UGT2B7: variants seen among roughly 807,000 people sequenced by gnomAD.
The protein encoded by UGT2B7 is UDP-glucuronosyltransferase 2B7.
UGT2B7 carries 51 observed loss-of-function variants against 51.9 expected under a neutral mutation model. The observed-to-expected ratio is 0.98, with a 90% CI of 0.78 to 1.24. The LOEUF (loss-of-function observed/expected upper bound fraction) is 1.24, where lower values mean the gene tolerates loss of function less well. UGT2B7 is among the 50% of genes most tolerant of loss of function. The probability of loss-of-function intolerance (pLI) is 0.00; values close to 1 mark genes in which losing one functional copy is unlikely to be tolerated. For missense variants in UGT2B7, 727 were observed against 628.4 expected, an observed-to-expected ratio of 1.16 and a Z score of -1.68; for synonymous variants, 225 against 211.6, an observed-to-expected ratio of 1.06 and a Z score of -0.55.
intron 1 of UGT2B7, chr4:69,067,302 T>C (rs1169052407): frequency 2.6e-5 from 4 of 152,420 alleles, no homozygotes; most frequent in Non-Finnish European, 5.9e-5. Flanking sequence ...TAATTTGTTA[T>C]CTAGAGAACA....
Position 69,064,104 on chromosome 4 carries a change from A to AGAGAGAG in UGT2B7, c.-159+12502_-159+12503insGAGAGAG, listed in dbSNP as rs1560499781. On this transcript the variant is annotated intron_variant, in intron 1 of 5. Coordinates refer to the UGT2B7 transcript ENST00000502942. Reference sequence around the variant, plus strand: ...AGAAAGAAAGAAAGAAAGAGAAAGAAAGAAAGAAAAAGAAAGAAAGAAAGA... The same window carrying AGAGAGAG: ...AGAAAGAAAGAAAGAAAGAGAAAGAAGAGAGAGAGAAAGAAAAAGAAAGAAAGAAAGA... Among the ~76,000 whole-genome samples the AGAGAGAG allele has an allele frequency of 5.2e-4, 58 of 110,568 alleles. 1 individual carries two copies. The highest frequency in any genetic ancestry group is 7.8e-4 in the Non-Finnish European group (44 of 56,288). The allele number at this position is 110,568 out of a possible 152,430, so 72.5% of individuals were successfully genotyped here. A position where few individuals can be genotyped will look rare whatever the true frequency, so the allele number is the denominator to read the frequency against.
At chr4:69,078,051 T>C (rs1465535761) in intron 1 of UGT2B7, among the ~76,000 whole-genome samples, 3 of 152,016 alleles carry the variant, frequency 2.0e-5, no homozygotes, top group Non-Finnish European at 4.4e-5. Context: ...TTTTTTTTGG[T>C]TTGTTTTTTG....
chr4:69,099,296 C>T (rs1719352813), intron 2 of UGT2B7, among the ~76,000 whole-genome samples: 1 of 148,362 alleles, frequency 6.7e-6, no homozygotes, highest in African/African-American at 2.5e-5. Context: ...GTAAAGTGGT[C>T]AGGACAGTTC....
chr4:69,082,061 G>C (rs1042279381), intron 1 of UGT2B7, among the ~76,000 whole-genome samples: 5 of 151,894 alleles, frequency 3.3e-5, no homozygotes, highest in Non-Finnish European at 5.9e-5. Context: ...TCTGTGATTG[G>C]TGATTTTTCA....
At chr4:69,082,376 C>G (rs1346920580) in intron 1 of UGT2B7, among the ~76,000 whole-genome samples, 1 of 145,658 alleles carries the variant, frequency 6.9e-6, no homozygotes, top group Non-Finnish European at 1.5e-5. Context: ...CCTCTTGCAT[C>G]AAATAGCCAA....
chr4:69,054,146 TA>T (rs1166856567), intron 1 of UGT2B7, among the ~76,000 whole-genome samples: 180 of 142,672 alleles, frequency 1.3e-3, no homozygotes, highest in Non-Finnish European at 1.2e-3. Flanking sequence ...TTTCATGAGT[TA>T]AAAAAAAAAA....
At chr4:69,056,127 G>C (rs1161680053) in intron 1 of UGT2B7, among the ~76,000 whole-genome samples, 1 of 152,028 alleles carries the variant, frequency 6.6e-6, no homozygotes, top group Admixed American at 6.6e-5. Context: ...CATAAAAACA[G>C]GTAAACTTCT....
At chr4:69,089,019 G>A (rs1719026238) in intron 1 of UGT2B7, among the ~76,000 whole-genome samples, 1 of 151,946 alleles carries the variant, frequency 6.6e-6, no homozygotes, top group Non-Finnish European at 1.5e-5. Context: ...ATGAGTCTTG[G>A]GATTTTCTTC....
intron 1 of UGT2B7, among the ~76,000 whole-genome samples, chr4:69,097,580 T>C (rs1719284764): frequency 6.6e-6 from 1 of 152,084 alleles, no homozygotes; most frequent in South Asian, 2.1e-4. Flanking sequence ...TCTTACTGAA[T>C]GCATAGATTT....
upstream of UGT2B7, among the ~76,000 whole-genome samples, chr4:69,092,540 T>G (rs1719106998): frequency 9.4e-6 from 1 of 106,114 alleles, no homozygotes; most frequent in Non-Finnish European, 1.8e-5. Flanking sequence ...TATGTACCTG[T>G]GCACATCGTA....
intron 2 of UGT2B7, among the ~76,000 whole-genome samples, chr4:69,090,424 T>G (rs1432758344): frequency 6.6e-6 from 1 of 152,038 alleles, no homozygotes; most frequent in Non-Finnish European, 1.5e-5. Context: ...ACAAACAAAA[T>G]TCAACATTGA....
chr4:69,061,601 A>G (rs1718349307), intron 1 of UGT2B7, among the ~76,000 whole-genome samples: 1 of 152,262 alleles, frequency 6.6e-6, no homozygotes, highest in Non-Finnish European at 1.5e-5. Context: ...ATGGGAGGCT[A>G]GCCATACCTG....
chr4:69,081,814 C>T (rs1718844795), intron 1 of UGT2B7, among the ~76,000 whole-genome samples: 1 of 152,118 alleles, frequency 6.6e-6, no homozygotes, highest in Non-Finnish European at 1.5e-5. Flanking sequence ...TCATAATATT[C>T]TTCAGAGAAC....
chr4:69,097,431 C>T (rs1719278708), intron 1 of UGT2B7, among the ~76,000 whole-genome samples, 190 bp downstream of exon 1: 1 of 152,034 alleles, frequency 6.6e-6, no homozygotes, highest in African/African-American at 2.4e-5. Context: ...AGTTAAAACC[C>T]TGTGGCCATC....
intron 1 of UGT2B7, among the ~76,000 whole-genome samples, chr4:69,055,919 C>G (rs1410636937): frequency 6.6e-6 from 1 of 152,136 alleles, no homozygotes; most frequent in Non-Finnish European, 1.5e-5. Flanking sequence ...GGTGGAGTTC[C>G]AATTACACAG....
chr4:69,101,777 G>A (rs569334016), intron 2 of UGT2B7, among the ~76,000 whole-genome samples: 51 of 152,038 alleles, frequency 3.4e-4, no homozygotes, highest in African/African-American at 1.1e-3. Context: ...TTTAAACATC[G>A]GCATATATTG....
chr4:69,105,495 ATGTCT>A (rs1261564842), intron 3 of UGT2B7, among the ~76,000 whole-genome samples: 1 of 152,196 alleles, frequency 6.6e-6, no homozygotes, highest in Non-Finnish European at 1.5e-5. Flanking sequence ...TAAACATAAA[ATGTCT>A]TGGCTATAGC....
intron 3 of UGT2B7, among the ~76,000 whole-genome samples, chr4:69,106,289 CCTGT>C (rs1055221873): frequency 1.6e-4 from 25 of 151,998 alleles, no homozygotes; most frequent in Non-Finnish European, 3.1e-4. Context: ...GTATGTTGTT[CCTGT>C]CTATTTGTCC....
upstream of UGT2B7, among the ~76,000 whole-genome samples, chr4:69,092,342 G>A (rs1239403808): frequency 2.0e-5 from 3 of 152,182 alleles, no homozygotes; most frequent in Non-Finnish European, 2.9e-5. Flanking sequence ...AAACCACTAT[G>A]TGAGTGTTGT....
Sources: allele counts gnomAD v4.1 joint callset (sites outside exome capture counted in the v4.1 genomes callset), GRCh38; gene constraint gnomAD v4.1.1; transcripts MANE v1.5; gene names NCBI Gene and HGNC (gene_info 2026-07-23, HGNC 2026-07-21).